The following SKIC3 variants were observed in gnomAD, a reference collection of about 807,000 sequenced individuals.
The protein encoded by SKIC3 is SKI3 subunit of superkiller complex.
At chr5:95,510,830 A>T in the SKIC3 span, among the ~76,000 whole-genome samples, 1 of 152,144 alleles carries the variant, frequency 6.6e-6, no homozygotes, top group South Asian at 2.1e-4. Flanking sequence ...CCCTGTCTTG[A>T]TATATTGGCT....
chr5:95,477,440 A>G, the SKIC3 span, among the ~76,000 whole-genome samples: 2 of 152,214 alleles, frequency 1.3e-5, no homozygotes, highest in Non-Finnish European at 2.9e-5. Context: ...TATGGTAAAA[A>G]CAAGAGTTAC....
chr5:95,508,212 A>T, the SKIC3 span, among the ~76,000 whole-genome samples: 1 of 152,126 alleles, frequency 6.6e-6, no homozygotes, highest in East Asian at 1.9e-4. Context: ...CATTCAGGAC[A>T]CCTCAATTAT....
chr5:95,485,916 C>T, the SKIC3 span, among the ~76,000 whole-genome samples: 1 of 152,080 alleles, frequency 6.6e-6, no homozygotes, highest in Non-Finnish European at 1.5e-5. Flanking sequence ...AGGTCGTCTG[C>T]TCGGCTGGGA....
chr5:95,486,315 G>A, the SKIC3 span, among the ~76,000 whole-genome samples: 2 of 152,150 alleles, frequency 1.3e-5, no homozygotes, highest in Non-Finnish European at 2.9e-5. Flanking sequence ...TGAGCTGCTG[G>A]TAAGGAGCAG....
At chr5:95,464,436 T>A in the SKIC3 span, 1 of 578,784 alleles carries the variant, frequency 1.7e-6, no homozygotes, top group Non-Finnish European at 3.0e-6. Flanking sequence ...AAAATCAGGT[T>A]TGGAGTTAAC....
the SKIC3 span, chr5:95,537,023 G>T: frequency 6.2e-7 from 1 of 1,608,262 alleles, no homozygotes; most frequent in South Asian, 1.1e-5. Flanking sequence ...TCACATTAGA[G>T]ATTTAAAAAA....
chr5:95,484,139 C>T, the SKIC3 span, among the ~76,000 whole-genome samples: 3 of 152,074 alleles, frequency 2.0e-5, no homozygotes, highest in Non-Finnish European at 4.4e-5. Context: ...ATTACTTATC[C>T]TCTTTAAGTC....
chr5:95,521,711 A>C, the SKIC3 span, among the ~76,000 whole-genome samples: 1 of 152,120 alleles, frequency 6.6e-6, no homozygotes, highest in African/African-American at 2.4e-5. Context: ...CTTACAAAGT[A>C]ATTAAAGGTA....
chr5:95,533,345 T>C, the SKIC3 span, among the ~76,000 whole-genome samples: 1 of 152,156 alleles, frequency 6.6e-6, no homozygotes, highest in East Asian at 1.9e-4. Context: ...GCAAATTCTG[T>C]ACATACTGAA....
the SKIC3 span, among the ~76,000 whole-genome samples, chr5:95,496,885 CA>C: frequency 6.6e-6 from 1 of 152,080 alleles, no homozygotes; most frequent in Non-Finnish European, 1.5e-5. Flanking sequence ...ATATATTAAC[CA>C]CAGAAGTTAA....
chr5:95,476,608 A>G, the SKIC3 span, among the ~76,000 whole-genome samples: 1 of 152,212 alleles, frequency 6.6e-6, no homozygotes, highest in Non-Finnish European at 1.5e-5. Flanking sequence ...ATGTGTAAAC[A>G]TTCCTTCATT....
At chr5:95,500,112 T>C in the SKIC3 span, among the ~76,000 whole-genome samples, 16 of 152,176 alleles carry the variant, frequency 1.1e-4, no homozygotes, top group African/African-American at 3.9e-4. Context: ...ACGGGAGCTT[T>C]TTAAAAGAAA....
At chr5:95,485,120 A>C in the SKIC3 span, among the ~76,000 whole-genome samples, 1 of 152,252 alleles carries the variant, frequency 6.6e-6, no homozygotes, top group African/African-American at 2.4e-5. Context: ...GTAAAGATTT[A>C]CTATGATATA....
the SKIC3 span, among the ~76,000 whole-genome samples, chr5:95,530,489 C>T: frequency 6.6e-6 from 1 of 152,252 alleles, no homozygotes; most frequent in East Asian, 1.9e-4. Flanking sequence ...TGCTACTTGC[C>T]AGTAGACTAA....
At chr5:95,475,184 G>A in the SKIC3 span, among the ~76,000 whole-genome samples, 13 of 152,156 alleles carry the variant, frequency 8.5e-5, no homozygotes, top group Non-Finnish European at 1.8e-4. Context: ...CTGGCTGCTT[G>A]AATTGCCAGA....
the SKIC3 span, among the ~76,000 whole-genome samples, chr5:95,468,571 C>G: frequency 6.6e-6 from 1 of 152,124 alleles, no homozygotes; most frequent in African/African-American, 2.4e-5. Flanking sequence ...TTACTAACAT[C>G]TATGACTCCA....
the SKIC3 span, chr5:95,543,276 C>T: frequency 3.0e-5 from 49 of 1,613,824 alleles, no homozygotes; most frequent in South Asian, 2.7e-4. Flanking sequence ...GCTGCAGCAA[C>T]GCCAATAAAA....
the SKIC3 span, among the ~76,000 whole-genome samples, chr5:95,539,179 T>C: frequency 6.6e-6 from 1 of 152,126 alleles, no homozygotes; most frequent in Non-Finnish European, 1.5e-5. Flanking sequence ...TGAATTATCA[T>C]TGAATGTCCT....
chr5:95,525,689 A>T, the SKIC3 span: 4 of 1,610,466 alleles, frequency 2.5e-6, no homozygotes, highest in Non-Finnish European at 3.4e-6. Flanking sequence ...AAATAATTGT[A>T]AAGAACTGCT....
Sources: allele counts gnomAD v4.1 joint callset (sites outside exome capture counted in the v4.1 genomes callset), GRCh38; gene constraint gnomAD v4.1.1; transcripts MANE v1.5; gene names NCBI Gene and HGNC (gene_info 2026-07-23, HGNC 2026-07-21).